ACTN1: variants seen among roughly 807,000 people sequenced by gnomAD.
ACTN1 encodes alpha-actinin-1.
ACTN1 carries 30 observed loss-of-function variants against 119.6 expected under a neutral mutation model. That is an observed-to-expected ratio of 0.25 (90% CI 0.19 to 0.34). The LOEUF (loss-of-function observed/expected upper bound fraction) is 0.34. Among genes scored for constraint, ACTN1 ranks in the 10% least tolerant of loss-of-function variants. The probability of loss-of-function intolerance (pLI) is 1.00; values close to 1 mark genes in which losing one functional copy is unlikely to be tolerated. For missense variants in ACTN1, 764 were observed against 1,223.4 expected, an observed-to-expected ratio of 0.62 and a Z score of 5.60; for synonymous variants, 429 against 472.6, an observed-to-expected ratio of 0.91 and a Z score of 1.20.
intron 1 of ACTN1, among the ~76,000 whole-genome samples, chr14:68,966,700 G>A (rs1305805923): frequency 6.6e-6 from 1 of 152,154 alleles, no homozygotes; most frequent in Non-Finnish European, 1.5e-5. Context: ...ACACCCCTCG[G>A]GATACTGTGG....
chr14:68,877,152 G>A lies in ACTN1; in HGVS notation c.2516C>T (p.Ser839Phe), dbSNP rs2030995281. 6.2e-7 allele frequency: 1 copy of A among 1,614,194 alleles called. No individual in the cohort carries two copies. Among genetic ancestry groups the A allele is most frequent in the Non-Finnish European group, 8.5e-7 (1 of 1,180,028 alleles). The part of the protein sequence containing the change: ...VTFQAFIDFM[S>F]RETADTDTAD... Reference sequence around the variant, plus strand: ...TGTATCTGTGTCGGCTGTCTCGCGGGACATGAAGTCAATGAAGGCCTGGAA... The same window carrying A: ...TGTATCTGTGTCGGCTGTCTCGCGGAACATGAAGTCAATGAAGGCCTGGAA... Residue 839 changes from serine (S) to phenylalanine (F), a missense_variant, in exon 21 of 22, where the codon TCC becomes TTC. Ser to Phe is a radical substitution (Grantham distance 155). This residue lies in a region of ACTN1 where 544 missense variants were observed against 912.0 expected (regional missense o/e 0.60). Coordinates refer to ENST00000394419, the MANE Select transcript of ACTN1 (RefSeq NM_001130004.2).
chr14:68,903,653 C>G (rs1254070082), intron 7 of ACTN1, among the ~76,000 whole-genome samples: 1 of 152,140 alleles, frequency 6.6e-6, no homozygotes, highest in African/African-American at 2.4e-5. Context: ...GCAGTTGGGG[C>G]CAAGGAGAGC....
intron 1 of ACTN1, among the ~76,000 whole-genome samples, chr14:68,938,169 G>A (rs547060158): frequency 1.6e-4 from 25 of 152,322 alleles, no homozygotes; most frequent in African/African-American, 5.5e-4. Flanking sequence ...TGGTTCATGC[G>A]CTGATGAAAA....
rs1430650914 is a variant in ACTN1 at position 68,925,484 on chromosome 14, T to C, written c.220+74A>G. ...AAGAGACCAAAACCAGCTGCGCTCA[T>C]AGGCAGAGCAGATGCCAAGGTGTCA... On this transcript the variant is annotated intron_variant, in intron 2 of 21. Transcript: ENST00000394419. This position sits in a 1 kb window ranked among gnomAD's most constrained non-coding sequence, Gnocchi z 4.3. 37 of 1,254,818 alleles carry C rather than the reference T, an allele frequency of 2.9e-5. No homozygotes were observed. In the Admixed American group the frequency reaches 6.5e-4, roughly 22 times the overall value. The allele number at this position is 1,254,818 out of a possible 1,614,324, so 77.7% of individuals were successfully genotyped here.
chr14:68,918,750 G>T (rs1455303141), intron 3 of ACTN1, among the ~76,000 whole-genome samples: 1 of 150,676 alleles, frequency 6.6e-6, no homozygotes, highest in African/African-American at 2.4e-5. Context: ...AAAAAGAAAA[G>T]AAAGTTCTGT....
chr14:68,909,948 C>T lies in ACTN1; in HGVS notation c.515+7G>A, dbSNP rs2033906433. 7 of 1,612,984 alleles carry T rather than the reference C, an allele frequency of 4.3e-6. No homozygotes were observed. The Admixed American group carries it at 8.3e-5, about 19-fold the overall frequency. The stretch of plus-strand genomic sequence containing the variant: ...TCTGTGAGAGCCCCTCAGACCCCAG[C>T]ACTCACCTTATGTGGAAGTTCTGGA... On this transcript the variant is annotated splice_region_variant and intron_variant, in intron 5 of 21. Coordinates refer to ENST00000394419, the MANE Select transcript of ACTN1 (RefSeq NM_001130004.2). The surrounding 1 kb of genome is among the most constrained non-coding windows in gnomAD (Gnocchi z 4.1).
intron 8 of ACTN1, among the ~76,000 whole-genome samples, chr14:68,900,562 TG>T (rs1244818662): frequency 1.3e-5 from 2 of 152,024 alleles, no homozygotes; most frequent in East Asian, 3.9e-4. Context: ...CTGTGCTGCC[TG>T]GGATAAGGGC....
intron 1 of ACTN1, chr14:68,973,884 T>A (rs1181277500): frequency 6.6e-6 from 1 of 152,190 alleles, no homozygotes; most frequent in Non-Finnish European, 1.5e-5. Flanking sequence ...GTGCCTGGCC[T>A]CTCTGCCATG....
At chr14:68,973,951 C>T (rs2036978879) in intron 1 of ACTN1, 1 of 152,310 alleles carries the variant, frequency 6.6e-6, no homozygotes, top group African/African-American at 2.4e-5. Context: ...TGGTGGGTTC[C>T]AGGACCCCAC....
intron 1 of ACTN1, among the ~76,000 whole-genome samples, chr14:68,948,434 C>G (rs571083883): frequency 1.3e-5 from 2 of 152,162 alleles, no homozygotes; most frequent in East Asian, 1.9e-4. Context: ...AAAAATTAGC[C>G]GGGCATGGTG....
chr14:68,877,274 C>G, intron 20 of ACTN1, 34 bp from the exon 21 acceptor site: 1 of 1,612,446 alleles, frequency 6.2e-7, no homozygotes, highest in African/African-American at 1.3e-5. Flanking sequence ...GCCTGTCAGC[C>G]CATGGCCTGC....
chr14:68,892,238 C>G lies in ACTN1; in HGVS notation c.901G>C (p.Val301Leu), dbSNP rs1488723977. ...RRTIPWLENRVPENTMHAMQQ... is the reference protein window; with the variant it reads ...RRTIPWLENRLPENTMHAMQQ... ...ATGGCATGCATGGTGTTCTCGGGCA[C>G]CCGGTTCTCCAGCCACGGGATTGTG... The change falls in exon 10 of 22, where the codon GTG becomes CTG. Residue 301 changes from valine (V) to leucine (L), a missense_variant. Transcript: ENST00000394419. 6.2e-7 allele frequency: 1 copy of G among 1,613,994 alleles called. No individual in the cohort carries two copies. The highest frequency in any genetic ancestry group is 1.7e-5 in the Admixed American group (1 of 60,002).
At chr14:68,950,021 C>T (rs1426100445) in intron 1 of ACTN1, among the ~76,000 whole-genome samples, 1 of 152,088 alleles carries the variant, frequency 6.6e-6, no homozygotes, top group Non-Finnish European at 1.5e-5. Flanking sequence ...TGGGGCTGGG[C>T]GCTGCGGCTC....
intron 1 of ACTN1, among the ~76,000 whole-genome samples, chr14:68,951,563 T>C (rs2036169295): frequency 6.6e-6 from 1 of 152,208 alleles, no homozygotes. Flanking sequence ...TGACTAGCTG[T>C]GTGCCCTTGA....
intron 8 of ACTN1, among the ~76,000 whole-genome samples, chr14:68,901,233 G>A (rs976452973): frequency 4.6e-5 from 6 of 129,230 alleles, no homozygotes; most frequent in African/African-American, 1.7e-4. Context: ...TTTTTGTTTT[G>A]TTTTGTTTTT....
intron 3 of ACTN1, among the ~76,000 whole-genome samples, chr14:68,918,280 C>T (rs1399491825): frequency 6.6e-6 from 1 of 152,054 alleles, no homozygotes; most frequent in Non-Finnish European, 1.5e-5. Flanking sequence ...GTACTGAAGA[C>T]AATTCGATGT....
At chr14:68,901,188 AT>A (rs71977197) in intron 8 of ACTN1, among the ~76,000 whole-genome samples, 36,197 of 129,828 alleles carry the variant, frequency 0.28, 6,037 homozygotes, top group African/African-American at 0.5. Context: ...CCCATCATGC[AT>A]TTTTTTTTTG....
intron 8 of ACTN1, among the ~76,000 whole-genome samples, chr14:68,896,389 G>A (rs542191088): frequency 6.6e-6 from 1 of 152,246 alleles, no homozygotes; most frequent in African/African-American, 2.4e-5. Flanking sequence ...GAAGTAAGAT[G>A]AGGTCAGCTG....
chr14:68,896,050 C>T (rs901316416), intron 8 of ACTN1, among the ~76,000 whole-genome samples: 1 of 152,186 alleles, frequency 6.6e-6, no homozygotes, highest in African/African-American at 2.4e-5. Flanking sequence ...ACCAGTGAAC[C>T]AGCCTTCAGA....
Sources: allele counts gnomAD v4.1 joint callset (sites outside exome capture counted in the v4.1 genomes callset), GRCh38; gene constraint gnomAD v4.1.1; regional missense constraint gnomAD v4.1.1; non-coding constraint Gnocchi (gnomAD v3.1); transcripts MANE v1.5; gene names NCBI Gene and HGNC (gene_info 2026-07-23, HGNC 2026-07-21).